Variants in ENGASE observed in about 807,000 individuals in gnomAD.
ENGASE encodes the protein endo-beta-N-acetylglucosaminidase, also known as cytosolic endo-beta-N-acetylglucosaminidase.
Under a neutral mutation model 78.5 loss-of-function variants are expected in ENGASE, and 69 were observed. The ratio of observed to expected loss-of-function variants is 0.88; its 90% confidence interval spans 0.72 to 1.07. The LOEUF (loss-of-function observed/expected upper bound fraction) is 1.07. Among genes scored for constraint, ENGASE ranks in the 50% least tolerant of loss-of-function variants. The pLI, the probability that ENGASE is intolerant of heterozygous loss-of-function variation, is 0.00. For synonymous variants in ENGASE, 408 were observed against 408.9 expected, an observed-to-expected ratio of 1.00 and a Z score of 0.03; for missense variants, 943 against 988.4, an observed-to-expected ratio of 0.95 and a Z score of 0.62.
chr17:79,085,355 G>A lies in ENGASE; in HGVS notation c.1700+13G>A. ...GCTGGGTCCAGCAGTAAGTCCCTCT[G>A]CTTCTTCACGTCCTTCTCCCTCACT... On this transcript the variant is annotated intron_variant, in intron 12 of 13. Transcript: ENST00000579016. The A allele has an allele frequency of 6.3e-7, 1 of 1,582,634 alleles. No homozygotes were observed. Among genetic ancestry groups the A allele is most frequent in the South Asian group, 1.1e-5 (1 of 88,696 alleles).
At chr17:79,082,493 G>A in intron 7 of ENGASE, 1 of 1,204,654 alleles carries the variant, frequency 8.3e-7, no homozygotes, top group Non-Finnish European at 1.0e-6. Flanking sequence ...TAGGTGTCAT[G>A]ACGAGGGAGC....
intron 1 of ENGASE, chr17:79,075,694 G>A: frequency 2.0e-6 from 2 of 985,488 alleles, no homozygotes; most frequent in Non-Finnish European, 2.4e-6. Context: ...GTTGCAGGGG[G>A]AGAAGTTAGG....
chr17:79,087,251 G>T lies in ENGASE; in HGVS notation c.*902G>T. The T allele has an allele frequency of 2.9e-6, 1 of 349,442 alleles. No homozygotes were observed. The highest frequency in any genetic ancestry group is 2.1e-5 in the South Asian group (1 of 47,248). 21.6% of individuals were successfully genotyped at this position (349,442 alleles called of 1,614,324 possible). On this transcript the variant is annotated 3_prime_UTR_variant, in exon 14 of 14. Coordinates refer to ENST00000579016, the MANE Select transcript of ENGASE (RefSeq NM_001042573.3). ...CAGCCCCAGCCTGAGTGCAGGAGCT[G>T]CAGGACCCGCGGGGGCTTTTCCAGC...
Position 79,077,410 on chromosome 17 carries a change from A to T in ENGASE, c.147-20A>T. ...TATTTATGTTTTTATTTATAAATGT[A>T]CAACTCCCTCTTTGCTTAGCATCAA... On this transcript the variant is annotated intron_variant, in intron 1 of 13. Coordinates refer to ENST00000579016, the MANE Select transcript of ENGASE (RefSeq NM_001042573.3). 6.3e-7 allele frequency: 1 copy of T among 1,596,736 alleles called. No homozygotes were observed. The highest frequency in any genetic ancestry group is 1.1e-5 in the South Asian group (1 of 87,190).
rs1342104346 is a variant in ENGASE at position 79,075,061 on chromosome 17, G to A, written c.117G>A (p.Pro39=). 5 of 1,199,508 alleles carry A rather than the reference G, an allele frequency of 4.2e-6. No homozygotes were observed. In the East Asian group the frequency reaches 1.0e-4, roughly 24 times the overall value. 74.3% of individuals were successfully genotyped at this position (1,199,508 alleles called of 1,614,324 possible). Residue 39 remains proline, a synonymous_variant, in exon 1 of 14, where the codon CCG becomes CCA. Coordinates refer to ENST00000579016, the MANE Select transcript of ENGASE (RefSeq NM_001042573.3). ...AGGAGGAGCAGGAGGATCAGGAGCC[G>A]CGGCCGCGGCGGCGGCGGCCGGGAA... ...GTQEEQEDQE[P]RPRRRRPGRS...
At chr17:79,084,478 G>C in intron 10 of ENGASE, 60 bp from the exon 11 acceptor site, 1 of 1,469,842 alleles carries the variant, frequency 6.8e-7, no homozygotes, top group Non-Finnish European at 9.0e-7. Flanking sequence ...GCGATTTGGA[G>C]CTGGCTTCGA....
chr17:79,080,832 C>T, intron 5 of ENGASE, 93 bp from the exon 6 acceptor site: 1 of 1,487,510 alleles, frequency 6.7e-7, no homozygotes, highest in East Asian at 2.4e-5. Flanking sequence ...GGTCTGTTTG[C>T]TCTGCATCCC....
chr17:79,079,743 A>C, intron 4 of ENGASE, 106 bp downstream of exon 4: 1 of 1,449,100 alleles, frequency 6.9e-7, no homozygotes, highest in Non-Finnish European at 9.2e-7. Context: ...CAGTGCCCAG[A>C]GCCCCTCGCT....
rs2073259980 is a variant in ENGASE at position 79,085,226 on chromosome 17, T to C, written c.1592-8T>C. On this transcript the variant is annotated splice_region_variant and splice_polypyrimidine_tract_variant and intron_variant, in intron 11 of 13. Transcript: ENST00000579016. ...CTCCTTTTTCAAGTTCCGTGTCTCCTTCTGCAGCAGAAACAAGCTCAAGAC... is the reference window on the plus strand; with the variant it reads ...CTCCTTTTTCAAGTTCCGTGTCTCCCTCTGCAGCAGAAACAAGCTCAAGAC... 3.7e-6 allele frequency: 6 copies of C among 1,609,756 alleles called. No homozygotes were observed. The highest frequency in any genetic ancestry group is 1.7e-4 in the Middle Eastern group (1 of 6,052).
At chr17:79,080,780 C>CTG (rs2073108770) in intron 5 of ENGASE, 145 bp from the exon 6 acceptor site, 15 of 1,082,162 alleles carry the variant, frequency 1.4e-5, no homozygotes, top group African/African-American at 1.6e-5. Context: ...ACTTGCGGGG[C>CTG]TGTGGCGGGG....
intron 7 of ENGASE, 46 bp downstream of exon 7, chr17:79,082,109 C>G: frequency 6.2e-7 from 1 of 1,614,014 alleles, no homozygotes; most frequent in Non-Finnish European, 8.5e-7. Flanking sequence ...AGTGCCTCCC[C>G]TGGGACCTCA....
chr17:79,074,889 CGGCGCGGGGGCGGGCCCGGGCCTGCG>C lies in ENGASE; in HGVS notation c.-55_-30del. Reference sequence around the variant, plus strand: ...CTGCGCACTTCCCATTGGCCGAGCGCGGCGCGGGGGCGGGCCCGGGCCTGCGATTGCCTCTCGGCGTGCGCGGACAG... The same window carrying C: ...CTGCGCACTTCCCATTGGCCGAGCGCATTGCCTCTCGGCGTGCGCGGACAG... On this transcript the variant is annotated 5_prime_UTR_variant, in exon 1 of 14. Coordinates refer to ENST00000579016, the MANE Select transcript of ENGASE (RefSeq NM_001042573.3). The C allele has an allele frequency of 1.6e-6, 2 of 1,240,186 alleles. No homozygotes were observed. The highest frequency in any genetic ancestry group is 3.7e-5 in the Admixed American group (1 of 26,930). 76.8% of individuals were successfully genotyped at this position (1,240,186 alleles called of 1,614,324 possible).
At chr17:79,075,791 G>A in intron 1 of ENGASE, 1 of 985,458 alleles carries the variant, frequency 1.0e-6, no homozygotes, top group Non-Finnish European at 1.2e-6. Context: ...CAGACCTCAT[G>A]AAGATGGGAT....
rs1358629138 is a variant in ENGASE at position 79,085,959 on chromosome 17, C to G, written c.1842C>G (p.Ala614=). Residue 614 remains alanine (A), a synonymous_variant, in exon 14 of 14, where the codon GCC becomes GCG. Transcript: ENST00000579016. ...IQVVDAASLL[A]PLPQVQAVTI... is the part of the protein sequence containing the mutation. ...TGGTGGACGCTGCCAGCCTGCTGGC[C>G]CCTCTGCCCCAGGTGCAGGCCGTCA... is the stretch of plus-strand genomic sequence containing the variant. 6.2e-7 allele frequency: 1 copy of G among 1,602,500 alleles called. No individual in the cohort carries two copies. Among genetic ancestry groups the G allele is most frequent in the Non-Finnish European group, 8.5e-7 (1 of 1,177,854 alleles).
intron 3 of ENGASE, 60 bp downstream of exon 3, chr17:79,077,924 CTGGAGGGGCGGG>C: frequency 2.4e-5 from 15 of 623,072 alleles, no homozygotes; most frequent in East Asian, 5.0e-5. Flanking sequence ...GGGGTGGGGG[CTGGAGGGGCGGG>C]AGAGAGTGCC....
chr17:79,082,805 C>T lies in ENGASE; in HGVS notation c.1039-215C>T, dbSNP rs760404753. On this transcript the variant is annotated intron_variant, in intron 7 of 13. Transcript: ENST00000579016. Reference sequence around the variant, plus strand: ...CCCTGCCCCCCTGCCCTTGCAGCAGCGCTGACCGCCTCTCCCGCGCCCTCT... The same window carrying T: ...CCCTGCCCCCCTGCCCTTGCAGCAGTGCTGACCGCCTCTCCCGCGCCCTCT... 8.8e-4 allele frequency: 1,310 copies of T among 1,492,548 alleles called. 2 individuals are homozygous for T. The highest frequency in any genetic ancestry group is 1.1e-3 in the Non-Finnish European group (1,215 of 1,118,686). 92.5% of individuals were successfully genotyped at this position (1,492,548 alleles called of 1,614,324 possible). A position where few individuals can be genotyped will look rare whatever the true frequency, so the allele number is the denominator to read the frequency against.
intron 2 of ENGASE, 35 bp from the exon 3 acceptor site, chr17:79,077,628 C>T: frequency 6.2e-7 from 1 of 1,609,704 alleles, no homozygotes; most frequent in Non-Finnish European, 8.5e-7. Flanking sequence ...ATAATAGTTT[C>T]CATTAATTGC....
chr17:79,085,755 T>G lies in ENGASE; in HGVS notation c.1815+21T>G, dbSNP rs760028107. ...TCCAGGTGATGCTTCCCAGAGGGGC[T>G]CGGGCTGGGCTGGCTGTTTGTCCAG... On this transcript the variant is annotated intron_variant, in intron 13 of 13. Coordinates refer to ENST00000579016, the MANE Select transcript of ENGASE (RefSeq NM_001042573.3). The G allele has an allele frequency of 1.9e-6, 3 of 1,611,050 alleles. No individual in the cohort carries two copies. In the South Asian group the frequency reaches 3.3e-5, roughly 18 times the overall value.
rs2073401880 is a variant in ENGASE, at chr17:79,088,525, TA to T, written c.*2178del. Reference sequence around the variant, plus strand: ...ATGCAGGGCTCGCGTGCGGGAAAACTAATATGCCGGCGTTTAAGCCTGTGCC... The same window carrying T: ...ATGCAGGGCTCGCGTGCGGGAAAACTATATGCCGGCGTTTAAGCCTGTGCC... On this transcript the variant is annotated 3_prime_UTR_variant, in exon 14 of 14. Transcript: ENST00000579016. 1 of 152,214 alleles carries T rather than the reference TA, an allele frequency of 6.6e-6. No homozygotes were observed. The highest frequency in any genetic ancestry group is 1.5e-5 in the Non-Finnish European group (1 of 68,064). 9.4% of individuals were successfully genotyped at this position (152,214 alleles called of 1,614,324 possible).
Sources: allele counts gnomAD v4.1 joint callset, GRCh38; gene constraint gnomAD v4.1.1; transcripts MANE v1.5; gene names NCBI Gene and HGNC (gene_info 2026-07-23, HGNC 2026-07-21).